The following FBXO11 variants were observed in gnomAD, a reference collection of about 807,000 sequenced individuals.
The protein encoded by FBXO11 is F-box protein 11, also known as F-box only protein 11.
Under a neutral mutation model 117.0 loss-of-function variants are expected in FBXO11, and 13 were observed. That is an observed-to-expected ratio of 0.11 (90% confidence interval 0.07 to 0.18). The LOEUF (loss-of-function observed/expected upper bound fraction) is 0.18. FBXO11 is among the 10% of genes least tolerant of loss of function. FBXO11 has a pLI of 1.00. For missense variants in FBXO11, 767 were observed against 1,164.4 expected (o/e 0.66, Z 4.97); for synonymous variants, 490 against 380.5 (o/e 1.29, Z -3.35).
rs1040405000 is a variant in FBXO11, at chr2:47,807,879, A to G, written c.*239T>C. The G allele has an allele frequency of 5.3e-6, 2 of 377,814 alleles. No individual in the cohort carries two copies. Among genetic ancestry groups the G allele is most frequent in the Non-Finnish European group, 9.6e-6 (2 of 208,114 alleles). 23.4% of individuals were successfully genotyped at this position (377,814 alleles called of 1,614,324 possible). On this transcript the variant is annotated 3_prime_UTR_variant, in exon 23 of 23. Transcript: ENST00000403359. ...TACAAAATTGCAGCTTATTTTCTTC[A>G]CTTCTGTCCCTTCAAGTCTTTACAC...
At chr2:47,897,373 C>A (rs1252159938) in intron 1 of FBXO11, among the ~76,000 whole-genome samples, 3 of 152,076 alleles carry the variant, frequency 2.0e-5, no homozygotes, top group Non-Finnish European at 4.4e-5. Flanking sequence ...AAGGTTAAAC[C>A]CACACAGTGG....
At position 47,808,098 on chromosome 2, in the gene FBXO11, T is replaced by C. The variant is rs1341775500; in HGVS notation, c.*20A>G. 6.3e-7 allele frequency: 1 copy of C among 1,591,554 alleles called. No homozygotes were observed. Among genetic ancestry groups the C allele is most frequent in the East Asian group, 2.2e-5 (1 of 44,774 alleles). ...AGTTATGATGTTACAATGGCAGGAC[T>C]TTTTCTTTAGGGAAGGAATTCAGTT... On this transcript the variant is annotated 3_prime_UTR_variant, in exon 23 of 23. Coordinates refer to ENST00000403359, the MANE Select transcript of FBXO11 (RefSeq NM_001190274.2).
intron 18 of FBXO11, 177 bp downstream of exon 18, chr2:47,813,052 AGTATT>A (rs886652542): frequency 1.6e-4 from 100 of 639,792 alleles, no homozygotes; most frequent in Non-Finnish European, 2.5e-4. Context: ...CAAAAGGAAA[AGTATT>A]GTAAACATTT....
chr2:47,874,903 G>A (rs1215755549), intron 1 of FBXO11, among the ~76,000 whole-genome samples: 2 of 147,822 alleles, frequency 1.4e-5, no homozygotes, highest in East Asian at 2.0e-4. Context: ...AAAAAGGGAT[G>A]GTTCAGGTTC....
At chr2:47,830,635 A>G (rs973997914) in intron 11 of FBXO11, among the ~76,000 whole-genome samples, 1 of 152,224 alleles carries the variant, frequency 6.6e-6, no homozygotes, top group Non-Finnish European at 1.5e-5. Flanking sequence ...CTTAATGGAA[A>G]TATCTATCTA....
At chr2:47,904,091 C>G (rs776796048) in intron 1 of FBXO11, among the ~76,000 whole-genome samples, 1 of 152,184 alleles carries the variant, frequency 6.6e-6, no homozygotes, top group Non-Finnish European at 1.5e-5. Flanking sequence ...TAACATCTCC[C>G]TCCTTCATTT....
chr2:47,823,414 A>T, intron 11 of FBXO11, 54 bp from the exon 12 acceptor site: 2 of 1,314,046 alleles, frequency 1.5e-6, no homozygotes, highest in Non-Finnish European at 2.1e-6. Flanking sequence ...CAAAAAAAGA[A>T]ATGCCATTTA....
intron 16 of FBXO11, among the ~76,000 whole-genome samples, chr2:47,815,401 T>A (rs959526855): frequency 6.6e-6 from 1 of 152,106 alleles, no homozygotes; most frequent in African/African-American, 2.4e-5. Context: ...GGAATTCTAG[T>A]TTCTAAGACC....
In FBXO11 at chr2:47,809,617, A is replaced by C; in HGVS notation, c.2429T>G (p.Val810Gly). 1 of 1,612,508 alleles carries C rather than the reference A, an allele frequency of 6.2e-7. No homozygotes were observed. Among genetic ancestry groups the C allele is most frequent in the Non-Finnish European group, 8.5e-7 (1 of 1,178,898 alleles). Residue 810 changes from valine (V) to glycine (G), a missense_variant, in exon 20 of 23, where the codon GTT becomes GGT. Physicochemically the swap from Val to Gly is moderately radical, Grantham distance 109. Around this residue, in one of 10 missense-constraint regions of FBXO11, gnomAD observed 66 missense variants for 82.7 expected, o/e 0.80. Transcript: ENST00000403359. The part of the protein sequence containing the change: ...RFGGLFLASG[V>G]NVTMKDNKIM... ...CAACATACCTTTCATTGTCACATTAACACCAGATGCTAAAAATAAGCCTCC... is the reference window on the plus strand; with the variant it reads ...CAACATACCTTTCATTGTCACATTACCACCAGATGCTAAAAATAAGCCTCC...
chr2:47,848,109 G>C (rs2103618273), intron 1 of FBXO11, among the ~76,000 whole-genome samples: 1 of 151,812 alleles, frequency 6.6e-6, no homozygotes, highest in Non-Finnish European at 1.5e-5. Flanking sequence ...GGGCGACAGA[G>C]CGAGACCCCA....
chr2:47,835,604 T>C (rs1672495075), intron 5 of FBXO11, among the ~76,000 whole-genome samples: 1 of 152,106 alleles, frequency 6.6e-6, no homozygotes, highest in Non-Finnish European at 1.5e-5. Context: ...TTCAAGTGAT[T>C]CTCCTGCCTT....
intron 1 of FBXO11, among the ~76,000 whole-genome samples, chr2:47,882,166 A>G (rs1423154512): frequency 6.6e-6 from 1 of 152,228 alleles, no homozygotes; most frequent in Non-Finnish European, 1.5e-5. Flanking sequence ...CACATAAACA[A>G]TATTCTCTGA....
chr2:47,856,154 C>T (rs2103696770), intron 1 of FBXO11, among the ~76,000 whole-genome samples: 1 of 152,236 alleles, frequency 6.6e-6, no homozygotes, highest in Non-Finnish European at 1.5e-5. Context: ...GCTTTTAACT[C>T]AGAAAATGCA....
chr2:47,812,199 G>A (rs924256996), intron 18 of FBXO11, among the ~76,000 whole-genome samples: 4 of 152,056 alleles, frequency 2.6e-5, no homozygotes, highest in African/African-American at 7.2e-5. Flanking sequence ...TTTTGTTTAC[G>A]ATGTGCTCCA....
At chr2:47,863,120 AAAACG>A (rs1365931382) in intron 1 of FBXO11, among the ~76,000 whole-genome samples, 1 of 152,050 alleles carries the variant, frequency 6.6e-6, no homozygotes, top group African/African-American at 2.4e-5. Flanking sequence ...CACACAAAAC[AAAACG>A]AAACAAAAGT....
intron 1 of FBXO11, among the ~76,000 whole-genome samples, chr2:47,856,389 C>G (rs1674296528): frequency 1.3e-5 from 2 of 152,056 alleles, no homozygotes; most frequent in Non-Finnish European, 2.9e-5. Flanking sequence ...AATTAATGGA[C>G]TATCTCAGGA....
intron 3 of FBXO11, among the ~76,000 whole-genome samples, 178 bp from the exon 4 acceptor site, chr2:47,839,181 C>T (rs1157886429): frequency 1.3e-5 from 2 of 151,484 alleles, no homozygotes; most frequent in South Asian, 2.1e-4. Flanking sequence ...AACAAAAGTA[C>T]TCCTTCTTTT....
chr2:47,820,819 T>C (rs1043513626), intron 13 of FBXO11, among the ~76,000 whole-genome samples: 2 of 152,158 alleles, frequency 1.3e-5, no homozygotes, highest in African/African-American at 2.4e-5. Flanking sequence ...GTGAGTATTA[T>C]ATGACTTAAC....
intron 1 of FBXO11, among the ~76,000 whole-genome samples, chr2:47,851,463 A>G (rs1673853858): frequency 1.3e-5 from 2 of 152,064 alleles, no homozygotes; most frequent in Admixed American, 6.6e-5. Context: ...TCCTGACCTC[A>G]TGCTCCACCC....
Sources: allele counts gnomAD v4.1 joint callset (sites outside exome capture counted in the v4.1 genomes callset), GRCh38; gene constraint gnomAD v4.1.1; regional missense constraint gnomAD v4.1.1; transcripts MANE v1.5; gene names NCBI Gene and HGNC (gene_info 2026-07-23, HGNC 2026-07-21).